SYNPR: variants seen among roughly 807,000 people sequenced by gnomAD.
The protein encoded by SYNPR is synaptoporin.
SYNPR carries 23 observed loss-of-function variants against 32.9 expected under a neutral mutation model. That is an observed-to-expected ratio of 0.70 (90% CI 0.50 to 0.99). The LOEUF (loss-of-function observed/expected upper bound fraction) is 0.99, where lower values mean the gene tolerates loss of function less well. Among genes scored for constraint, SYNPR ranks in the 50% least tolerant of loss-of-function variants. The probability of loss-of-function intolerance (pLI) is 0.00; values close to 1 mark genes in which losing one functional copy is unlikely to be tolerated. For synonymous variants in SYNPR, 146 were observed against 135.9 expected (o/e 1.07, Z -0.52); for missense variants, 318 against 349.3 (o/e 0.91, Z 0.71).
chr3:63,209,333 A>AAAAAG, the SYNPR span, among the ~76,000 whole-genome samples: 4 of 151,116 alleles, frequency 2.6e-5, no homozygotes, highest in Non-Finnish European at 3.0e-5. Flanking sequence ...AAAAAAAAAA[A>AAAAAG]GGTTGGGAAA....
At chr3:63,560,226 C>T (rs1235656920) in intron 4 of SYNPR, among the ~76,000 whole-genome samples, 3 of 152,158 alleles carry the variant, frequency 2.0e-5, no homozygotes, top group Admixed American at 1.3e-4. Flanking sequence ...GTGCTCATTA[C>T]TTGGCAGATA....
At chr3:63,314,988 G>A (rs914949461) in intron 2 of SYNPR, among the ~76,000 whole-genome samples, 1 of 151,866 alleles carries the variant, frequency 6.6e-6, no homozygotes, top group Non-Finnish European at 1.5e-5. Flanking sequence ...TGTTGAAAAG[G>A]GTATCCTTTC....
rs1575625008 is a variant in SYNPR, at chr3:63,399,972, CTG to C, written c.85-80858_85-80857del. ...TGAAAAGAAAAGCGCCTACAACAGACTGTTGTTCAGTGGAAATGAGAGTCAAA... is the reference window on the plus strand; with the variant it reads ...TGAAAAGAAAAGCGCCTACAACAGACTTGTTCAGTGGAAATGAGAGTCAAA... On this transcript the variant is annotated intron_variant, in intron 2 of 5. Coordinates refer to ENST00000478300, the MANE Select transcript of SYNPR (RefSeq NM_001130003.2). Among the ~76,000 whole-genome samples the C allele has an allele frequency of 3.9e-5, 6 of 152,304 alleles. 1 individual carries two copies. Among genetic ancestry groups the C allele is most frequent in the East Asian group, 1.9e-4 (1 of 5,178 alleles).
intron 2 of SYNPR, among the ~76,000 whole-genome samples, chr3:63,470,350 TA>T (rs201482411): frequency 0.034 from 5,156 of 152,302 alleles, 288 homozygotes; most frequent in African/African-American, 0.12. Context: ...TTAATTACTC[TA>T]TTTTTTTATA....
At chr3:63,325,951 T>C (rs1325269498) in intron 2 of SYNPR, among the ~76,000 whole-genome samples, 1 of 152,006 alleles carries the variant, frequency 6.6e-6, no homozygotes, top group Non-Finnish European at 1.5e-5. Flanking sequence ...TGTCTCCACA[T>C]CCCTGCATGT....
chr3:63,586,816 T>C (rs1462333559), intron 4 of SYNPR, among the ~76,000 whole-genome samples: 1 of 151,926 alleles, frequency 6.6e-6, no homozygotes, highest in Non-Finnish European at 1.5e-5. Flanking sequence ...TTTTGCAATG[T>C]AGCAACATGA....
chr3:63,319,774 C>T (rs1354392183), intron 2 of SYNPR, among the ~76,000 whole-genome samples: 1 of 151,760 alleles, frequency 6.6e-6, no homozygotes, highest in Non-Finnish European at 1.5e-5. Context: ...GAAAAATAAT[C>T]CTAAAATTTA....
chr3:63,575,034 A>G (rs369890571), intron 4 of SYNPR, among the ~76,000 whole-genome samples: 60 of 152,094 alleles, frequency 3.9e-4, no homozygotes, highest in African/African-American at 1.3e-3. Flanking sequence ...TATGTGCCAC[A>G]TAAGGGCACA....
intron 2 of SYNPR, among the ~76,000 whole-genome samples, chr3:63,314,671 G>T (rs1414812452): frequency 1.3e-5 from 2 of 151,934 alleles, no homozygotes; most frequent in African/African-American, 4.8e-5. Flanking sequence ...CTACTCTGTG[G>T]GTTGTCTGTT....
intron 2 of SYNPR, among the ~76,000 whole-genome samples, chr3:63,303,186 A>G (rs551725244): frequency 6.6e-6 from 1 of 151,894 alleles, no homozygotes; most frequent in East Asian, 1.9e-4. Context: ...TCAGGGTAAA[A>G]AAAAAAAAAT....
chr3:63,452,182 T>C (rs6806334), intron 2 of SYNPR: 198,366 of 686,944 alleles, frequency 0.29, 29,985 homozygotes, highest in Non-Finnish European at 0.32. Context: ...GTGCATTCTA[T>C]GTAATACTGA....
chr3:63,582,987 C>T lies in SYNPR; in HGVS notation c.409-26138C>T, dbSNP rs566538313. 2.7e-3 allele frequency among the ~76,000 whole-genome samples: 369 copies of T among 135,642 alleles called. 2 individuals are homozygous for T. Among genetic ancestry groups the T allele is most frequent in the Non-Finnish European group, 4.2e-3 (270 of 64,000 alleles). 89.0% of individuals were successfully genotyped at this position (135,642 alleles called of 152,430 possible). A position where few individuals can be genotyped will look rare whatever the true frequency, so the allele number is the denominator to read the frequency against. On this transcript the variant is annotated intron_variant, in intron 4 of 5. Coordinates refer to ENST00000478300, the MANE Select transcript of SYNPR (RefSeq NM_001130003.2). ...ACAAGGCTGTTGATTCACTTGGGTGCATGTGGGCTGAGTCCAAAAAGAAGT... is the reference window on the plus strand; with the variant it reads ...ACAAGGCTGTTGATTCACTTGGGTGTATGTGGGCTGAGTCCAAAAAGAAGT...
the SYNPR span, among the ~76,000 whole-genome samples, chr3:63,203,871 T>C: frequency 6.6e-6 from 1 of 152,108 alleles, no homozygotes; most frequent in Non-Finnish European, 1.5e-5. Flanking sequence ...TGGTGGTGGA[T>C]GCCTGTAATC....
At chr3:63,494,435 G>GTA (rs1491175449) in intron 3 of SYNPR, among the ~76,000 whole-genome samples, 3,047 of 66,340 alleles carry the variant, frequency 0.046, 215 homozygotes, top group African/African-American at 0.13. Context: ...ATATATATAC[G>GTA]TATATATATA....
rs143378326 is a variant in SYNPR, at chr3:63,579,648, A to G, written c.408+22907A>G. On this transcript the variant is annotated intron_variant, in intron 4 of 5. Coordinates refer to ENST00000478300, the MANE Select transcript of SYNPR (RefSeq NM_001130003.2). ...ACATGAGGTGCAAAGTGAATGATCA[A>G]TGATGTTTATTGACTTTTTGTTGTT... 6.6e-5 allele frequency among the ~76,000 whole-genome samples: 10 copies of G among 152,250 alleles called. No homozygotes were observed. The East Asian group carries it at 1.2e-3, about 18-fold the overall frequency.
Position 63,556,677 on chromosome 3 carries a change from C to A in SYNPR, c.344C>A (p.Ala115Asp). The A allele has an allele frequency of 6.2e-7, 1 of 1,613,812 alleles. No individual in the cohort carries two copies. The highest frequency in any genetic ancestry group is 8.5e-7 in the Non-Finnish European group (1 of 1,179,816). ...GTCTTCGCCTTCCTCTACTCTTTGG[C>A]TGCCACTGTCGTTTACATTTTCTTC... The part of the protein sequence containing the change: ...VAVFAFLYSL[A>D]ATVVYIFFQN... The change falls in exon 4 of 6, where the codon GCT becomes GAT. Residue 115 changes from alanine (A) to aspartate (D), a missense_variant. Transcript: ENST00000478300.
chr3:63,321,778 T>G (rs2087113249), intron 2 of SYNPR, among the ~76,000 whole-genome samples: 1 of 152,040 alleles, frequency 6.6e-6, no homozygotes. Context: ...CCTCTCCACA[T>G]GAGTAGCCAA....
chr3:63,541,786 A>G (rs1280335543), intron 3 of SYNPR, among the ~76,000 whole-genome samples: 1 of 152,156 alleles, frequency 6.6e-6, no homozygotes, highest in Non-Finnish European at 1.5e-5. Context: ...TAGAAAAAGC[A>G]AAACTAAAAT....
At chr3:63,347,834 TTG>T (rs1055578154) in intron 2 of SYNPR, among the ~76,000 whole-genome samples, 1 of 151,746 alleles carries the variant, frequency 6.6e-6, no homozygotes, top group Non-Finnish European at 1.5e-5. Flanking sequence ...TAGTATTCCA[TTG>T]TGTGTGTGTC....
Sources: gnomAD v4.1 joint callset for allele counts (sites outside exome capture counted in the v4.1 genomes callset) on GRCh38, gnomAD v4.1.1 for gene constraint, MANE v1.5 for transcripts, NCBI Gene and HGNC (gene_info 2026-07-23, HGNC 2026-07-21) for gene names.